Variants in NPHP4 observed in about 807,000 individuals in gnomAD.
NPHP4 encodes nephrocystin 4, also known as nephrocystin-4.
Under a neutral mutation model 155.8 loss-of-function variants are expected in NPHP4, and 151 were observed. The observed-to-expected ratio is 0.97, with a 90% CI of 0.85 to 1.11. NPHP4 has a LOEUF of 1.11. Ranked by LOEUF, NPHP4 falls within the 50% of genes least tolerant of loss-of-function variation. NPHP4 has a pLI of 0.00. For missense variants in NPHP4, 1,956 were observed against 1,925.7 expected (o/e 1.02, Z -0.29); for synonymous variants, 845 against 816.8 (o/e 1.03, Z -0.59).
intron 9 of NPHP4, among the ~76,000 whole-genome samples, chr1:5,940,981 G>A (rs1646785693): frequency 6.6e-6 from 1 of 152,036 alleles, no homozygotes; most frequent in Non-Finnish European, 1.5e-5. Context: ...AAACATGCAA[G>A]AAAAGCTAGA....
rs1641367554 is a variant in NPHP4, at chr1:5,867,489, T to A, written c.3472+251A>T. ...GTGTTCCTCCAGGCACACCTGGACC[T>A]GGGCCGCGGGAGCTGGGATTTTTTA... On this transcript the variant is annotated intron_variant, in intron 24 of 29. Transcript: ENST00000378156. The surrounding 1 kb of genome is among the most constrained non-coding windows in gnomAD (Gnocchi z 4.1). 1 of 573,800 alleles carries A rather than the reference T, an allele frequency of 1.7e-6. No homozygotes were observed. Among genetic ancestry groups the A allele is most frequent in the African/African-American group, 1.9e-5 (1 of 53,396 alleles). 35.5% of individuals were successfully genotyped at this position (573,800 alleles called of 1,614,324 possible). A position where few individuals can be genotyped will look rare whatever the true frequency, so the allele number is the denominator to read the frequency against.
chr1:5,933,359 T>C lies in NPHP4; in HGVS notation c.1120-30A>G, dbSNP rs368530283. 13 of 1,591,786 alleles carry C rather than the reference T, an allele frequency of 8.2e-6. No individual in the cohort carries two copies. In the African/African-American group the frequency reaches 1.5e-4, roughly 18 times the overall value. ...AATTAAAACAAAGCACATCGGTGTA[T>C]GAGTTATCACAGAAGTCACCTGGAG... On this transcript the variant is annotated intron_variant, in intron 9 of 29. Transcript: ENST00000378156.
At chr1:5,930,797 C>T (rs1646235053) in intron 10 of NPHP4, among the ~76,000 whole-genome samples, 2 of 152,134 alleles carry the variant, frequency 1.3e-5, no homozygotes, top group South Asian at 2.1e-4. Flanking sequence ...TGGTCGATGG[C>T]GATGTTCAGT....
chr1:5,925,716 C>T (rs369693094), intron 11 of NPHP4, among the ~76,000 whole-genome samples: 36 of 152,136 alleles, frequency 2.4e-4, no homozygotes, highest in African/African-American at 6.0e-4. Context: ...CCTGGGTTCA[C>T]GCCGTTCTCC....
intron 6 of NPHP4, among the ~76,000 whole-genome samples, chr1:5,959,025 T>A (rs1042119072): frequency 1.2e-4 from 15 of 125,144 alleles, no homozygotes; most frequent in Non-Finnish European, 2.1e-4. Flanking sequence ...CCAAAACAAC[T>A]CTGAGAGTGG....
At chr1:5,940,159 C>G (rs1452431277) in intron 9 of NPHP4, among the ~76,000 whole-genome samples, 1 of 152,136 alleles carries the variant, frequency 6.6e-6, no homozygotes, top group Non-Finnish European at 1.5e-5. Context: ...CAAACCAGGG[C>G]TGGGAGGTGG....
intron 9 of NPHP4, among the ~76,000 whole-genome samples, chr1:5,936,901 T>C (rs1646569665): frequency 6.6e-6 from 1 of 152,170 alleles, no homozygotes. Context: ...AGATAATCCT[T>C]CATTATCTAG....
Position 5,915,627 on chromosome 1 carries a change from C to A in NPHP4, c.1442-6414G>T, listed in dbSNP as rs114484309. ...AGCCCAGGACTGCAGGAGTCCAGAT[C>A]GCAGGCAGCCCAGAACAGGAGCTGG... is the stretch of plus-strand genomic sequence containing the variant. On this transcript the variant is annotated intron_variant, in intron 11 of 29. Transcript: ENST00000378156. Among the ~76,000 whole-genome samples, 506 of 152,196 alleles carry A rather than the reference C, an allele frequency of 3.3e-3. 10 individuals carry two copies. The highest frequency in any genetic ancestry group is 0.016 in the East Asian group (85 of 5,170).
chr1:5,979,569 G>A (rs938505684), intron 2 of NPHP4, among the ~76,000 whole-genome samples: 8 of 152,042 alleles, frequency 5.3e-5, no homozygotes, highest in East Asian at 1.9e-4. Context: ...AAAGGGTCTC[G>A]TCTGTCACCC....
Position 5,882,108 on chromosome 1 carries a change from G to A in NPHP4, c.2486-1869C>T, listed in dbSNP as rs1357436241. 1.3e-5 allele frequency: 2 copies of A among 152,342 alleles called. No individual in the cohort carries two copies. Among genetic ancestry groups the A allele is most frequent in the Non-Finnish European group, 2.9e-5 (2 of 68,130 alleles). 9.4% of individuals were successfully genotyped at this position (152,342 alleles called of 1,614,324 possible). On this transcript the variant is annotated intron_variant, in intron 18 of 29. Transcript: ENST00000378156. The surrounding 1 kb of genome is among the most constrained non-coding windows in gnomAD (Gnocchi z 5.1). ...GCTCACAGCCGTCACTGCGAAGGAT[G>A]GGAAGGCTGGCTGCCTCCTCCCACG... is the stretch of plus-strand genomic sequence containing the variant.
rs190852549 is a variant in NPHP4, at chr1:5,967,541, T to C, written c.453-178A>G. On this transcript the variant is annotated intron_variant, in intron 4 of 29. Coordinates refer to ENST00000378156, the MANE Select transcript of NPHP4 (RefSeq NM_015102.5). ...CAGCAGCTCCCCAAGCCGTTGGTGC[T>C]TGTGGCCAAGCATGTCTGGCACACA... is the stretch of plus-strand genomic sequence containing the variant. Among the ~76,000 whole-genome samples, 33 of 152,340 alleles carry C rather than the reference T, an allele frequency of 2.2e-4. No individual in the cohort carries two copies. In the East Asian group the frequency reaches 6.0e-3, roughly 28 times the overall value.
intron 5 of NPHP4, among the ~76,000 whole-genome samples, chr1:5,964,931 A>T (rs1422014525): frequency 9.2e-4 from 22 of 23,888 alleles, no homozygotes; most frequent in African/African-American, 3.3e-3. Flanking sequence ...ATATATATAT[A>T]TATATATATA....
At chr1:5,982,322 G>A (rs574937441) in intron 2 of NPHP4, among the ~76,000 whole-genome samples, 16 of 152,164 alleles carry the variant, frequency 1.1e-4, no homozygotes, top group African/African-American at 2.7e-4. Flanking sequence ...TTGATATACC[G>A]TTGTGTTACA....
intron 5 of NPHP4, among the ~76,000 whole-genome samples, chr1:5,964,049 A>G (rs536986685): frequency 3.8e-4 from 58 of 152,306 alleles, no homozygotes; most frequent in African/African-American, 1.3e-3. Flanking sequence ...CAATCATGAA[A>G]CATCAATTCC....
rs556134588 is a variant in NPHP4 at position 5,892,710 on chromosome 1, C to T, written c.2144-1682G>A. 6.6e-6 allele frequency among the ~76,000 whole-genome samples: 1 copy of T among 152,058 alleles called. No homozygotes were observed. Reference sequence around the variant, plus strand: ...AGCCTCAGACCTCTCCCCTCCCTGTCCAGCTGAGACAAGTGGCTCCTCCGT... The same window carrying T: ...AGCCTCAGACCTCTCCCCTCCCTGTTCAGCTGAGACAAGTGGCTCCTCCGT... On this transcript the variant is annotated intron_variant, in intron 16 of 29. Coordinates refer to ENST00000378156, the MANE Select transcript of NPHP4 (RefSeq NM_015102.5). This position sits in a 1 kb window ranked among gnomAD's most constrained non-coding sequence, Gnocchi z 4.5.
chr1:5,970,402 C>G (rs1652344963), intron 3 of NPHP4, among the ~76,000 whole-genome samples: 1 of 151,996 alleles, frequency 6.6e-6, no homozygotes, highest in Non-Finnish European at 1.5e-5. Context: ...ACTTAGGAGG[C>G]TGAGACAGGA....
intron 2 of NPHP4, among the ~76,000 whole-genome samples, chr1:5,985,434 G>C (rs1655330595): frequency 6.6e-6 from 1 of 152,264 alleles, no homozygotes; most frequent in South Asian, 2.1e-4. Flanking sequence ...CTGGGCCTGA[G>C]TGTGCCCAAG....
At chr1:5,911,079 C>T (rs1429282906) in intron 11 of NPHP4, among the ~76,000 whole-genome samples, 1 of 152,236 alleles carries the variant, frequency 6.6e-6, no homozygotes, top group Non-Finnish European at 1.5e-5. Context: ...AATGAGCTCA[C>T]GTGCTCGGAG....
intron 9 of NPHP4, among the ~76,000 whole-genome samples, chr1:5,943,787 G>GTCAAGGTTAGGTGTGATGATGGTGT (rs1345319387): frequency 1.3e-5 from 2 of 152,190 alleles, no homozygotes; most frequent in African/African-American, 2.4e-5. Context: ...AAGAAATGCA[G>GTCAAGGTTAGGTGTGATGATGGTGT]TCAAGGTTAG....
Sources: allele counts gnomAD v4.1 joint callset (sites outside exome capture counted in the v4.1 genomes callset), GRCh38; gene constraint gnomAD v4.1.1; non-coding constraint Gnocchi (gnomAD v3.1); transcripts MANE v1.5; gene names NCBI Gene and HGNC (gene_info 2026-07-23, HGNC 2026-07-21).